FUT9: variants seen among roughly 807,000 people sequenced by gnomAD.
The protein encoded by FUT9 is fucosyltransferase 9, also known as 4-galactosyl-N-acetylglucosaminide 3-alpha-L-fucosyltransferase 9.
In FUT9, 15 loss-of-function variants were observed where a neutral mutation model predicts 29.7. The ratio of observed to expected loss-of-function variants is 0.51; its 90% CI spans 0.34 to 0.78. The LOEUF (loss-of-function observed/expected upper bound fraction) is 0.78, where lower values mean the gene tolerates loss of function less well. FUT9 is among the 30% of genes least tolerant of loss of function. The probability of loss-of-function intolerance (pLI) is 0.01; values close to 1 mark genes in which losing one functional copy is unlikely to be tolerated. For synonymous variants in FUT9, 169 were observed against 153.7 expected (o/e 1.10, Z -0.74); for missense variants, 319 against 425.4 (o/e 0.75, Z 2.20).
At chr6:96,173,021 G>T (rs6571097) in intron 2 of FUT9, among the ~76,000 whole-genome samples, 139,084 of 152,154 alleles carry the variant, frequency 0.91, 64,865 homozygotes, top group Non-Finnish European at 1. Flanking sequence ...AATGGGAGGT[G>T]TGAATTTGGG....
At chr6:96,177,997 A>G (rs1442169193) in intron 2 of FUT9, among the ~76,000 whole-genome samples, 1 of 152,008 alleles carries the variant, frequency 6.6e-6, no homozygotes, top group Non-Finnish European at 1.5e-5. Context: ...ACTGTGAGGA[A>G]CTCCCATTCT....
chr6:96,113,853 C>CAAA (rs11316093), intron 1 of FUT9, among the ~76,000 whole-genome samples, 186 bp from the exon 2 acceptor site: 92 of 124,762 alleles, frequency 7.4e-4, no homozygotes, highest in African/African-American at 1.4e-3. Context: ...GACTCCATCT[C>CAAA]AAAAAAAAAA....
chr6:96,031,339 T>C (rs1414988607), intron 1 of FUT9, among the ~76,000 whole-genome samples: 1 of 151,568 alleles, frequency 6.6e-6, no homozygotes, highest in Admixed American at 6.6e-5. Context: ...ATCATCTTAA[T>C]CTAAACTTAA....
chr6:96,107,780 C>G (rs1465180632), intron 1 of FUT9, among the ~76,000 whole-genome samples: 1 of 152,122 alleles, frequency 6.6e-6, no homozygotes, highest in Non-Finnish European at 1.5e-5. Flanking sequence ...TCAAGGCTAG[C>G]CTTCTACAGA....
At chr6:96,196,011 G>T (rs2127989820) in intron 2 of FUT9, among the ~76,000 whole-genome samples, 1 of 152,190 alleles carries the variant, frequency 6.6e-6, no homozygotes, top group East Asian at 1.9e-4. Flanking sequence ...TGTTGTTGTG[G>T]GGTGTTTTGG....
chr6:96,050,616 T>C (rs916238207), intron 1 of FUT9, among the ~76,000 whole-genome samples: 2 of 152,230 alleles, frequency 1.3e-5, no homozygotes, highest in East Asian at 3.9e-4. Context: ...TCTGAACTAA[T>C]CTCAATGGGA....
intron 2 of FUT9, among the ~76,000 whole-genome samples, chr6:96,179,221 C>T (rs760572125): frequency 1.1e-4 from 17 of 152,040 alleles, no homozygotes; most frequent in Non-Finnish European, 2.2e-4. Flanking sequence ...AACTTTCATG[C>T]ATTCATTTTT....
At chr6:96,081,261 A>C (rs9404202) in intron 1 of FUT9, among the ~76,000 whole-genome samples, 3,398 of 150,772 alleles carry the variant, frequency 0.023, 65 homozygotes, top group East Asian at 0.079. Flanking sequence ...CATTTCTTGC[A>C]ATGATTCACA....
In FUT9 at chr6:96,207,917, AG is replaced by A. The variant is rs1773862641; in HGVS notation, c.*3683del. On this transcript the variant is annotated 3_prime_UTR_variant, in exon 3 of 3. Coordinates refer to ENST00000302103, the MANE Select transcript of FUT9 (RefSeq NM_006581.4). ...ACACCCTGAACAAGAAAGACATGAG[AG>A]CCTGACAGTCATATATATTATGACA... The A allele has an allele frequency of 6.0e-6, 1 of 166,746 alleles. No homozygotes were observed. Among genetic ancestry groups the A allele is most frequent in the Non-Finnish European group, 1.5e-5 (1 of 67,998 alleles). 10.3% of individuals were successfully genotyped at this position (166,746 alleles called of 1,614,324 possible). A position where few individuals can be genotyped will look rare whatever the true frequency, so the allele number is the denominator to read the frequency against.
At chr6:96,071,093 A>C (rs1271626710) in intron 1 of FUT9, among the ~76,000 whole-genome samples, 1 of 152,248 alleles carries the variant, frequency 6.6e-6, no homozygotes, top group Non-Finnish European at 1.5e-5. Context: ...TATTGGATAA[A>C]AATTCTTTGA....
At position 96,208,748 on chromosome 6, in the gene FUT9, C is replaced by G. The variant is rs148492376; in HGVS notation, c.*4513C>G. On this transcript the variant is annotated 3_prime_UTR_variant, in exon 3 of 3. Coordinates refer to ENST00000302103, the MANE Select transcript of FUT9 (RefSeq NM_006581.4). ...TATGCAAATATTAGTAACATATCAA[C>G]TGTTTCTAAAAGGAAAGAAAATTAG... The G allele has an allele frequency of 1.2e-5, 2 of 166,774 alleles. No individual in the cohort carries two copies. The highest frequency in any genetic ancestry group is 4.8e-5 in the African/African-American group (2 of 41,406). The allele number at this position is 166,774 out of a possible 1,614,324, so 10.3% of individuals were successfully genotyped here. A position where few individuals can be genotyped will look rare whatever the true frequency, so the allele number is the denominator to read the frequency against.
intron 2 of FUT9, among the ~76,000 whole-genome samples, chr6:96,134,164 T>G (rs926253645): frequency 6.6e-6 from 1 of 151,878 alleles, no homozygotes; most frequent in African/African-American, 2.4e-5. Context: ...ATGTTCATTA[T>G]AAAAATTTAG....
rs922759426 is a variant in FUT9 at position 96,208,146 on chromosome 6, A to G, written c.*3911A>G. On this transcript the variant is annotated 3_prime_UTR_variant, in exon 3 of 3. Coordinates refer to ENST00000302103, the MANE Select transcript of FUT9 (RefSeq NM_006581.4). ...CAGAATATTTAGGAATTATTTGCGG[A>G]GGCTTTAAATTCTTACCTCCAATTG... is the stretch of plus-strand genomic sequence containing the variant. 3.6e-5 allele frequency: 6 copies of G among 166,936 alleles called. No individual in the cohort carries two copies. The highest frequency in any genetic ancestry group is 1.4e-4 in the African/African-American group (6 of 41,436). The allele number at this position is 166,936 out of a possible 1,614,324, so 10.3% of individuals were successfully genotyped here.
At chr6:96,074,390 ATTGAGTTTGGACATGAATTTCCTG>A (rs1349754440) in intron 1 of FUT9, among the ~76,000 whole-genome samples, 1 of 152,192 alleles carries the variant, frequency 6.6e-6, no homozygotes. Context: ...TGAAAGTAAT[ATTGAGTTTGGACATGAATTTCCTG>A]AAGAAGCCAA....
intron 1 of FUT9, among the ~76,000 whole-genome samples, chr6:96,029,249 AGACT>A (rs139240679): frequency 0.047 from 7,128 of 151,670 alleles, 215 homozygotes; most frequent in Non-Finnish European, 0.074. Context: ...AAATTGCCAA[AGACT>A]GACTGACAGT....
At chr6:96,019,213 C>T (rs919471530) in intron 1 of FUT9, among the ~76,000 whole-genome samples, 2 of 151,856 alleles carry the variant, frequency 1.3e-5, no homozygotes, top group African/African-American at 4.8e-5. Flanking sequence ...CATATTTACA[C>T]CTCACACATA....
chr6:96,030,338 G>C (rs561997393), intron 1 of FUT9, among the ~76,000 whole-genome samples: 1 of 151,472 alleles, frequency 6.6e-6, no homozygotes, highest in Non-Finnish European at 1.5e-5. Flanking sequence ...ATACATGGTA[G>C]GCAAAAAAAG....
chr6:96,097,928 A>T (rs1042377084), intron 1 of FUT9, among the ~76,000 whole-genome samples: 6 of 152,056 alleles, frequency 3.9e-5, no homozygotes, highest in African/African-American at 1.4e-4. Flanking sequence ...TATGCATACA[A>T]TTTCCAGAGG....
intron 1 of FUT9, among the ~76,000 whole-genome samples, chr6:96,033,869 T>C (rs1413169474): frequency 1.3e-5 from 2 of 151,512 alleles, no homozygotes; most frequent in African/African-American, 4.8e-5. Flanking sequence ...TACATATATA[T>C]GCTTACATAT....
Sources: gnomAD v4.1 joint callset for allele counts (sites outside exome capture counted in the v4.1 genomes callset) on GRCh38, gnomAD v4.1.1 for gene constraint, MANE v1.5 for transcripts, NCBI Gene and HGNC (gene_info 2026-07-23, HGNC 2026-07-21) for gene names.